Variants in ESR2 observed in about 807,000 individuals in gnomAD.
ESR2 encodes estrogen receptor beta.
ESR2 carries 36 observed loss-of-function variants against 49.6 expected under a neutral mutation model. The observed-to-expected ratio is 0.73, with a 90% confidence interval of 0.56 to 0.96. The LOEUF is 0.96. ESR2 is among the 40% of genes least tolerant of loss of function. ESR2 has a pLI of 0.00. For synonymous variants in ESR2, 320 were observed against 266.1 expected (o/e 1.20, Z -1.97); for missense variants, 714 against 693.0 (o/e 1.03, Z -0.34).
At chr14:64,268,754 A>T in intron 4 of ESR2, 41 bp downstream of exon 4, 1 of 1,182,432 alleles carries the variant, frequency 8.5e-7, no homozygotes, top group Non-Finnish European at 1.3e-6. Flanking sequence ...CAGGGCTTTT[A>T]GCAAGGCCCA....
intron 6 of ESR2, among the ~76,000 whole-genome samples, chr14:64,251,425 ACACACT>A (rs980308084): frequency 1.4e-5 from 2 of 139,074 alleles, no homozygotes; most frequent in Non-Finnish European, 3.2e-5. Context: ...ACACACACAC[ACACACT>A]CACACACACC....
At chr14:64,335,261 G>A (rs2077514499) in intron 1 of ESR2, among the ~76,000 whole-genome samples, 1 of 152,132 alleles carries the variant, frequency 6.6e-6, no homozygotes, top group African/African-American at 2.4e-5. Context: ...TAAGATAAAT[G>A]GGGTTATACT....
intron 7 of ESR2, among the ~76,000 whole-genome samples, chr14:64,245,940 G>A (rs956606529): frequency 4.6e-5 from 7 of 152,232 alleles, no homozygotes; most frequent in Non-Finnish European, 1.0e-4. Context: ...TACTCTTCAA[G>A]CAGATCCTCC....
At chr14:64,297,684 G>A (rs72722324), upstream of ESR2, 10,391 of 152,252 alleles carry the variant, frequency 0.068, 422 homozygotes, top group Non-Finnish European at 0.083. Context: ...AGAATTTTCC[G>A]TAGGAAAGAA....
At chr14:64,336,443 T>C (rs1462069305) in intron 1 of ESR2, 1 of 152,208 alleles carries the variant, frequency 6.6e-6, no homozygotes, top group Non-Finnish European at 1.5e-5. Flanking sequence ...AGTCTTCATT[T>C]TATTTGATCA....
chr14:64,305,031 C>T (rs545766500), intron 1 of ESR2, among the ~76,000 whole-genome samples: 1 of 152,322 alleles, frequency 6.6e-6, no homozygotes, highest in Non-Finnish European at 1.5e-5. Flanking sequence ...TGGCTCACGC[C>T]TGTAATCCCA....
At chr14:64,249,048 T>C (rs1002702390) in intron 7 of ESR2, among the ~76,000 whole-genome samples, 59 of 152,312 alleles carry the variant, frequency 3.9e-4, no homozygotes, top group African/African-American at 1.3e-3. Flanking sequence ...TCTCCTCCTA[T>C]TTTCCCGTAG....
downstream of ESR2, chr14:64,228,102 C>G (rs2098723700): frequency 1.5e-6 from 2 of 1,313,608 alleles, no homozygotes. Flanking sequence ...TGAAATTGTT[C>G]TTTTTAAGAA....
At chr14:64,227,512 G>A (rs1567720007), downstream of ESR2, 1 of 1,611,414 alleles carries the variant, frequency 6.2e-7, no homozygotes. Context: ...TTTTCTTTAG[G>A]CCACCGAGTT....
chr14:64,273,940 CTT>C (rs58123995), intron 3 of ESR2, among the ~76,000 whole-genome samples: 46,449 of 134,308 alleles, frequency 0.35, 7,771 homozygotes, highest in Middle Eastern at 0.45. Flanking sequence ...TGCTGAGAGA[CTT>C]TTTTTTTTTT....
downstream of ESR2, chr14:64,227,866 G>C (rs755373668): frequency 6.3e-7 from 1 of 1,595,714 alleles, no homozygotes; most frequent in Non-Finnish European, 8.5e-7. Flanking sequence ...ACATGCAAGG[G>C]ACATTTTCAC....
upstream of ESR2, among the ~76,000 whole-genome samples, chr14:64,297,938 G>A (rs2076978452): frequency 6.6e-6 from 1 of 152,112 alleles, no homozygotes; most frequent in Non-Finnish European, 1.5e-5. Flanking sequence ...AAATTGGTCT[G>A]TTTTAAGAGA....
At chr14:64,288,973 C>T (rs752074322) in intron 1 of ESR2, among the ~76,000 whole-genome samples, 3 of 111,110 alleles carry the variant, frequency 2.7e-5, no homozygotes, top group African/African-American at 3.6e-5. Flanking sequence ...GTGACAAGAG[C>T]AAAACTCTGT....
chr14:64,238,161 A>G (rs368719212), intron 7 of ESR2, among the ~76,000 whole-genome samples: 15 of 152,308 alleles, frequency 9.8e-5, no homozygotes, highest in South Asian at 6.2e-4. Context: ...CCCTCAGAGA[A>G]CACGTATGTG....
Position 64,232,084 on chromosome 14 carries a change from C to T in ESR2, c.*1053G>A, listed in dbSNP as rs1420124871. On this transcript the variant is annotated 3_prime_UTR_variant, in exon 9 of 9. Coordinates refer to ENST00000341099, the MANE Select transcript of ESR2 (RefSeq NM_001437.3). ...AACTGGGTCTTGTTCAAGGGGCGTACTCATCAAGGCTATACAGTGTGGCCC... is the reference window on the plus strand; with the variant it reads ...AACTGGGTCTTGTTCAAGGGGCGTATTCATCAAGGCTATACAGTGTGGCCC... 4 of 152,174 alleles carry T rather than the reference C, an allele frequency of 2.6e-5. No homozygotes were observed. Among genetic ancestry groups the T allele is most frequent in the African/African-American group, 4.8e-5 (2 of 41,420 alleles). The allele number at this position is 152,174 out of a possible 1,614,324, so 9.4% of individuals were successfully genotyped here.
chr14:64,257,465 A>T, intron 5 of ESR2, 101 bp from the exon 6 acceptor site: 3 of 1,416,694 alleles, frequency 2.1e-6, no homozygotes, highest in Non-Finnish European at 2.9e-6. Context: ...AAGAAAACAC[A>T]AACCATTAGG....
chr14:64,325,981 T>A (rs375756177), intron 1 of ESR2, among the ~76,000 whole-genome samples: 1 of 101,100 alleles, frequency 9.9e-6, no homozygotes. Flanking sequence ...TATACACAGA[T>A]TTTTTTTTTT....
intron 1 of ESR2, among the ~76,000 whole-genome samples, chr14:64,291,338 C>T (rs2076867243): frequency 6.6e-6 from 1 of 152,200 alleles, no homozygotes; most frequent in Non-Finnish European, 1.5e-5. Flanking sequence ...CACAAAGATT[C>T]TCCACTAAAA....
chr14:64,328,497 A>C (rs753747277), intron 1 of ESR2, among the ~76,000 whole-genome samples: 11 of 152,220 alleles, frequency 7.2e-5, no homozygotes, highest in Non-Finnish European at 1.3e-4. Context: ...TTCAGAAACC[A>C]TCCTTTTTAA....
Sources: gnomAD v4.1 joint callset for allele counts (sites outside exome capture counted in the v4.1 genomes callset) on GRCh38, gnomAD v4.1.1 for gene constraint, MANE v1.5 for transcripts, NCBI Gene and HGNC (gene_info 2026-07-23, HGNC 2026-07-21) for gene names.